EDA: variants seen among roughly 807,000 people sequenced by gnomAD.
The protein encoded by EDA is ectodysplasin A, also known as ectodysplasin-A.
A neutral mutation model predicts 23.6 loss-of-function variants in EDA; 2 were observed. The observed-to-expected ratio is 0.08, with a 90% CI of 0.03 to 0.27. The LOEUF (loss-of-function observed/expected upper bound fraction) is 0.27, where lower values mean the gene tolerates loss of function less well. Among genes scored for constraint, EDA ranks in the 10% least tolerant of loss-of-function variants. The pLI is 1.00. For synonymous variants in EDA, 131 were observed against 132.0 expected (o/e 0.99, Z 0.05); for missense variants, 229 against 324.2 (o/e 0.71, Z 2.26).
rs142407582 is a variant in EDA at position 69,746,045 on chromosome X, C to T, written c.396+129341C>T. 6.5e-3 allele frequency among the ~76,000 whole-genome samples: 721 copies of T among 111,260 alleles called. 1 individual carries two copies. Among genetic ancestry groups the T allele is most frequent in the Non-Finnish European group, 0.011 (559 of 52,923 alleles). The stretch of plus-strand genomic sequence containing the variant: ...CACTCCTTCCCTCCTTCTCCTACTG[C>T]CTTCCTCTCTTCCCCTCCTCTCCCT... On this transcript the variant is annotated intron_variant, in intron 1 of 7. Coordinates refer to ENST00000374552, the MANE Select transcript of EDA (RefSeq NM_001399.5).
chrX:69,682,918 AAT>A (rs1316324977), intron 1 of EDA, among the ~76,000 whole-genome samples: 9 of 111,348 alleles, frequency 8.1e-5, no homozygotes, highest in Non-Finnish European at 1.5e-4. Flanking sequence ...ATCAACATGC[AAT>A]ACGTTATAGA....
chrX:69,645,501 C>T (rs1378793878), intron 1 of EDA, among the ~76,000 whole-genome samples: 1 of 99,299 alleles, frequency 1.0e-5, no homozygotes, highest in Non-Finnish European at 2.0e-5. Flanking sequence ...ATGTCTCTAT[C>T]TCCTTCACTT....
At chrX:69,980,024 A>G in intron 2 of EDA, among the ~76,000 whole-genome samples, 1 of 111,382 alleles carries the variant, frequency 9.0e-6, no homozygotes, top group East Asian at 2.8e-4. Flanking sequence ...AAACTTAGAA[A>G]AGGCCAGGGT....
At chrX:69,732,833 C>T (rs2013092444) in intron 1 of EDA, among the ~76,000 whole-genome samples, 2 of 112,152 alleles carry the variant, frequency 1.8e-5, no homozygotes, top group South Asian at 7.4e-4. Flanking sequence ...TTTTGATTTG[C>T]ATTTCTCTAA....
intron 1 of EDA, among the ~76,000 whole-genome samples, chrX:69,664,705 C>CT (rs1208758365): frequency 9.1e-6 from 1 of 109,864 alleles, no homozygotes; most frequent in East Asian, 2.9e-4. Flanking sequence ...ACTATAGTTT[C>CT]TTTATCCATT....
In EDA at chrX:69,966,724, G is replaced by C. The variant is rs1434386801; in HGVS notation, c.502+9592G>C. ...TAAACTACGACATAGACATACTATT[G>C]AATATTATGTATATTATTATTCAGT... On this transcript the variant is annotated intron_variant, in intron 2 of 7. Transcript: ENST00000374552. Among the ~76,000 whole-genome samples, 6 of 109,427 alleles carry C rather than the reference G, an allele frequency of 5.5e-5. No homozygotes were observed. The East Asian group carries it at 1.7e-3, about 31-fold the overall frequency.
intron 1 of EDA, chrX:69,621,091 T>G (rs769712684): frequency 4.8e-6 from 1 of 209,731 alleles, no homozygotes; most frequent in African/African-American, 3.0e-5. Flanking sequence ...TGTAATATAT[T>G]GTTTGATGTT....
intron 1 of EDA, among the ~76,000 whole-genome samples, chrX:69,849,896 G>A (rs2017090435): frequency 8.9e-6 from 1 of 112,138 alleles, no homozygotes; most frequent in Admixed American, 9.5e-5. Flanking sequence ...TTCTTAAAGA[G>A]GCAACCAGTG....
chrX:69,812,416 T>A (rs563247731), intron 1 of EDA, among the ~76,000 whole-genome samples: 1 of 112,879 alleles, frequency 8.9e-6, no homozygotes, highest in Admixed American at 9.4e-5. Flanking sequence ...ATCAGTGCAC[T>A]TGTATTCTGT....
At chrX:69,729,781 G>T (rs756345328) in intron 1 of EDA, among the ~76,000 whole-genome samples, 2 of 110,956 alleles carry the variant, frequency 1.8e-5, no homozygotes, top group South Asian at 7.8e-4. Flanking sequence ...TGGGATCTTT[G>T]CACTTTCTGA....
intron 1 of EDA, among the ~76,000 whole-genome samples, chrX:69,941,948 CTTT>C (rs1226095219): frequency 9.1e-6 from 1 of 110,439 alleles, no homozygotes; most frequent in African/African-American, 3.3e-5. Context: ...ATCTGTTGTA[CTTT>C]TTTATTTAAG....
chrX:69,704,947 G>A (rs1319638202), intron 1 of EDA, among the ~76,000 whole-genome samples: 1 of 110,795 alleles, frequency 9.0e-6, no homozygotes, highest in Non-Finnish European at 1.9e-5. Context: ...TAGGCCAGGC[G>A]TGGTGGCTCA....
At chrX:70,002,753 C>T (rs1227471269) in intron 2 of EDA, among the ~76,000 whole-genome samples, 1 of 112,139 alleles carries the variant, frequency 8.9e-6, no homozygotes, top group East Asian at 2.8e-4. Flanking sequence ...TGGACATGAA[C>T]ATCTCAGCTA....
intron 1 of EDA, among the ~76,000 whole-genome samples, chrX:69,736,082 G>A (rs947031892): frequency 5.5e-5 from 6 of 108,999 alleles, no homozygotes; most frequent in African/African-American, 1.0e-4. Flanking sequence ...TAAGGTGGGC[G>A]GATCACCTGA....
chrX:70,026,349 C>G (rs2020106231), intron 3 of EDA, among the ~76,000 whole-genome samples: 1 of 111,341 alleles, frequency 9.0e-6, no homozygotes, highest in Non-Finnish European at 1.9e-5. Flanking sequence ...TAACTACATC[C>G]TGGTGGGAAT....
chrX:69,859,235 G>C (rs988122117), intron 1 of EDA, among the ~76,000 whole-genome samples: 18 of 110,297 alleles, frequency 1.6e-4, no homozygotes, highest in African/African-American at 5.9e-4. Context: ...ATCTCCTTCA[G>C]TTCACCTCTG....
intron 1 of EDA, among the ~76,000 whole-genome samples, chrX:69,900,811 C>A (rs2018087954): frequency 9.0e-6 from 1 of 110,977 alleles, no homozygotes; most frequent in Non-Finnish European, 1.9e-5. Context: ...AGTGGCCTTA[C>A]AAGTGAAATT....
chrX:69,894,559 G>GTT (rs2017980359), intron 1 of EDA, among the ~76,000 whole-genome samples: 1 of 111,638 alleles, frequency 9.0e-6, no homozygotes, highest in Non-Finnish European at 1.9e-5. Context: ...TTTTCCATTT[G>GTT]TTTATGTCAT....
chrX:69,870,491 C>T (rs775878906), intron 1 of EDA, among the ~76,000 whole-genome samples: 1 of 110,852 alleles, frequency 9.0e-6, no homozygotes, highest in South Asian at 3.9e-4. Flanking sequence ...CATTATCTTG[C>T]CTGGCAACTG....
Sources: allele counts gnomAD v4.1 joint callset (sites outside exome capture counted in the v4.1 genomes callset), GRCh38; gene constraint gnomAD v4.1.1; transcripts MANE v1.5; gene names NCBI Gene and HGNC (gene_info 2026-07-23, HGNC 2026-07-21).